Variants in PPP6R3 observed in about 807,000 individuals in gnomAD.
The protein encoded by PPP6R3 is serine/threonine-protein phosphatase 6 regulatory subunit 3.
PPP6R3 carries 38 observed loss-of-function variants against 110.7 expected under a neutral mutation model. The observed-to-expected ratio is 0.34, with a 90% CI of 0.26 to 0.45. PPP6R3 has a LOEUF of 0.45. Ranked by LOEUF, PPP6R3 falls within the 20% of genes least tolerant of loss-of-function variation. The pLI, the probability that PPP6R3 is intolerant of heterozygous loss-of-function variation, is 1.00. For missense variants in PPP6R3, 870 were observed against 1,062.4 expected, an observed-to-expected ratio of 0.82 and a Z score of 2.52; for synonymous variants, 369 against 373.5, an observed-to-expected ratio of 0.99 and a Z score of 0.14.
chr11:68,609,438 A>G (rs1191247190), intron 22 of PPP6R3: 1 of 797,316 alleles, frequency 1.3e-6, no homozygotes, highest in East Asian at 2.7e-5. Flanking sequence ...CCCAAAAGCA[A>G]AGTGCTTTAA....
chr11:68,518,120 C>T (rs2099146076), intron 1 of PPP6R3, among the ~76,000 whole-genome samples: 1 of 152,094 alleles, frequency 6.6e-6, no homozygotes, highest in Non-Finnish European at 1.5e-5. Flanking sequence ...CAAGAATTGC[C>T]AGTTGGCACT....
intron 1 of PPP6R3, among the ~76,000 whole-genome samples, chr11:68,497,682 T>C (rs1464612925): frequency 6.6e-6 from 1 of 152,244 alleles, no homozygotes; most frequent in East Asian, 1.9e-4. Flanking sequence ...ATCAGAAATA[T>C]GATTTGTCAA....
chr11:68,462,358 A>G (rs2098713959), intron 1 of PPP6R3, among the ~76,000 whole-genome samples: 1 of 152,240 alleles, frequency 6.6e-6, no homozygotes, highest in Non-Finnish European at 1.5e-5. Context: ...GTTTTTGACC[A>G]TTCCTTAAAT....
At chr11:68,488,926 C>G (rs565507205) in intron 1 of PPP6R3, 28 of 151,862 alleles carry the variant, frequency 1.8e-4, no homozygotes, top group African/African-American at 6.5e-4. Flanking sequence ...GAAAATTGCT[C>G]TTTTAATAGG....
chr11:68,570,906 A>G (rs1353387370), intron 11 of PPP6R3, 134 bp from the exon 12 acceptor site: 5 of 1,104,320 alleles, frequency 4.5e-6, no homozygotes, highest in African/African-American at 1.6e-5. Context: ...TGATGATCAC[A>G]TTGCATTTGG....
At chr11:68,494,408 C>CAAAAAAAAAAAAAA (rs35190764) in intron 1 of PPP6R3, among the ~76,000 whole-genome samples, 1 of 60,382 alleles carries the variant, frequency 1.7e-5, no homozygotes, top group African/African-American at 6.6e-5. Flanking sequence ...CCTGTAATCT[C>CAAAAAAAAAAAAAA]AAAAAAAAAA....
At chr11:68,588,598 C>CA (rs2099586083) in intron 16 of PPP6R3, among the ~76,000 whole-genome samples, 1 of 151,748 alleles carries the variant, frequency 6.6e-6, no homozygotes, top group Non-Finnish European at 1.5e-5. Context: ...GCTGGGACTA[C>CA]AGGTACCCGC....
chr11:68,590,897 C>G (rs934427240), intron 17 of PPP6R3, among the ~76,000 whole-genome samples, 183 bp downstream of exon 17: 1 of 152,108 alleles, frequency 6.6e-6, no homozygotes, highest in Non-Finnish European at 1.5e-5. Context: ...TTTTGCAGCC[C>G]TGGTTTATGA....
intron 1 of PPP6R3, among the ~76,000 whole-genome samples, chr11:68,500,439 T>G (rs1565444750): frequency 6.6e-6 from 1 of 152,288 alleles, no homozygotes; most frequent in East Asian, 1.9e-4. Flanking sequence ...CTTGAGGAAG[T>G]TTCTCTTGGA....
chr11:68,569,751 A>T lies in PPP6R3; in HGVS notation c.1132A>T (p.Met378Leu), dbSNP rs770022844. 1 of 1,572,978 alleles carries T rather than the reference A, an allele frequency of 6.4e-7. No individual in the cohort carries two copies. Among genetic ancestry groups the T allele is most frequent in the South Asian group, 1.2e-5 (1 of 85,564 alleles). The change falls in exon 11 of 24, where the codon ATG (methionine) becomes TTG (leucine). Residue 378 changes from methionine (M) to leucine (L), a missense_variant. Physicochemically the swap from Met to Leu is conservative, Grantham distance 15 (BLOSUM62 2). Transcript: ENST00000393800. Reference protein sequence around the residue: ...ELNSIGVILNMFFKYTWNNFL... With the variant: ...ELNSIGVILNLFFKYTWNNFL... ...ACATGGTTTTTCTTTTTTGTAGAAC[A>T]TGTTCTTCAAGTATACATGGAATAA...
In PPP6R3 at chr11:68,614,277, G is replaced by GTAAT; in HGVS notation, c.*1162_*1165dup. On this transcript the variant is annotated 3_prime_UTR_variant, in exon 24 of 24. Coordinates refer to ENST00000393800, the MANE Select transcript of PPP6R3 (RefSeq NM_001164161.2). ...TAGTGATTATGGATACTAATTCAATGTAATTTATAATTTTCTATGTCAATA... is the reference window on the plus strand; with the variant it reads ...TAGTGATTATGGATACTAATTCAATGTAATTAATTTATAATTTTCTATGTCAATA... The GTAAT allele has an allele frequency of 2.9e-6, 3 of 1,035,448 alleles. No individual in the cohort carries two copies. Among genetic ancestry groups the GTAAT allele is most frequent in the Middle Eastern group, 4.7e-4 (1 of 2,140 alleles). The allele number at this position is 1,035,448 out of a possible 1,614,324, so 64.1% of individuals were successfully genotyped here. A position where few individuals can be genotyped will look rare whatever the true frequency, so the allele number is the denominator to read the frequency against.
chr11:68,532,745 A>T (rs2099248051), intron 2 of PPP6R3, among the ~76,000 whole-genome samples: 1 of 152,212 alleles, frequency 6.6e-6, no homozygotes, highest in Non-Finnish European at 1.5e-5. Flanking sequence ...TTAACATGGT[A>T]GTGTCTGTTC....
Position 68,615,331 on chromosome 11 carries a change from G to C in PPP6R3, c.*2214G>C, listed in dbSNP as rs1317837319. On this transcript the variant is annotated 3_prime_UTR_variant, in exon 24 of 24. Coordinates refer to ENST00000393800, the MANE Select transcript of PPP6R3 (RefSeq NM_001164161.2). ...AATAAAGCCTGATTCTTTGTTTCTA[G>C]AAATCTCTTGTACCTTGCTTGGATT... The C allele has an allele frequency of 5.6e-6, 2 of 355,362 alleles. No homozygotes were observed. Among genetic ancestry groups the C allele is most frequent in the Non-Finnish European group, 1.1e-5 (2 of 181,846 alleles). 22.0% of individuals were successfully genotyped at this position (355,362 alleles called of 1,614,324 possible).
At chr11:68,507,246 A>ATTTTTTTT (rs58191278) in intron 1 of PPP6R3, among the ~76,000 whole-genome samples, 1 of 114,982 alleles carries the variant, frequency 8.7e-6, no homozygotes, top group Non-Finnish European at 1.9e-5. Context: ...GTCTTTTTGC[A>ATTTTTTTT]TTTTTTTTTT....
chr11:68,606,381 C>T (rs1018522668), intron 22 of PPP6R3, among the ~76,000 whole-genome samples: 1 of 146,896 alleles, frequency 6.8e-6, no homozygotes, highest in Non-Finnish European at 1.5e-5. Flanking sequence ...ACTGCAATCT[C>T]TGTCTCCTGG....
chr11:68,582,593 A>G (rs2099562595), intron 14 of PPP6R3, among the ~76,000 whole-genome samples: 1 of 152,246 alleles, frequency 6.6e-6, no homozygotes, highest in African/African-American at 2.4e-5. Flanking sequence ...AAATGGTTAT[A>G]TTTAAACCTG....
chr11:68,606,923 CAGT>C (rs1397146337), intron 22 of PPP6R3, among the ~76,000 whole-genome samples: 7 of 152,110 alleles, frequency 4.6e-5, no homozygotes, highest in African/African-American at 1.4e-4. Flanking sequence ...TTTAAAAAAT[CAGT>C]AGTCTTTTTC....
chr11:68,566,242 C>T (rs1388908687), intron 9 of PPP6R3, among the ~76,000 whole-genome samples: 1 of 147,078 alleles, frequency 6.8e-6, no homozygotes, highest in Non-Finnish European at 1.5e-5. Flanking sequence ...ACCACGGCTG[C>T]TGCTGCTGCT....
At chr11:68,475,253 A>G (rs932207828) in intron 1 of PPP6R3, among the ~76,000 whole-genome samples, 2 of 152,232 alleles carry the variant, frequency 1.3e-5, no homozygotes, top group Non-Finnish European at 2.9e-5. Flanking sequence ...GATCAACAGC[A>G]TCCCAAGGCA....
Sources: gnomAD v4.1 joint callset for allele counts (sites outside exome capture counted in the v4.1 genomes callset) on GRCh38, gnomAD v4.1.1 for gene constraint, MANE v1.5 for transcripts, NCBI Gene and HGNC (gene_info 2026-07-23, HGNC 2026-07-21) for gene names.